The following GRIK1 variants were observed in gnomAD, a reference collection of about 807,000 sequenced individuals.
The protein encoded by GRIK1 is glutamate ionotropic receptor kainate type subunit 1.
A neutral mutation model predicts 105.7 loss-of-function variants in GRIK1; 69 were observed. The ratio of observed to expected loss-of-function variants is 0.65; its 90% CI spans 0.54 to 0.80. The LOEUF (loss-of-function observed/expected upper bound fraction) is 0.80, where lower values mean the gene tolerates loss of function less well. Among genes scored for constraint, GRIK1 ranks in the 30% least tolerant of loss-of-function variants. The pLI is 0.00. For synonymous variants in GRIK1, 438 were observed against 431.3 expected (o/e 1.02, Z -0.19); for missense variants, 1,109 against 1,167.3 (o/e 0.95, Z 0.73).
At chr21:29,676,603 A>G (rs758632923) in intron 3 of GRIK1, among the ~76,000 whole-genome samples, 2 of 152,202 alleles carry the variant, frequency 1.3e-5, no homozygotes, top group African/African-American at 4.8e-5. Flanking sequence ...GCCCTGATGG[A>G]GTGACCCAAC....
rs79371042 is a variant in GRIK1 at position 29,778,230 on chromosome 21, A to G, written c.119-84167T>C. Among the ~76,000 whole-genome samples, 355 of 152,296 alleles carry G rather than the reference A, an allele frequency of 2.3e-3. 7 individuals carry two copies. In the East Asian group the frequency reaches 0.046, roughly 20 times the overall value. ...CTTTGTGTTATGTATTTTGTGTTATATGCTCTTAATGTCTGTAAGATGAGA... is the reference window on the plus strand; with the variant it reads ...CTTTGTGTTATGTATTTTGTGTTATGTGCTCTTAATGTCTGTAAGATGAGA... On this transcript the variant is annotated intron_variant, in intron 1 of 17. Transcript: ENST00000327783.
intron 14 of GRIK1, among the ~76,000 whole-genome samples, 187 bp downstream of exon 14, chr21:29,576,777 G>A (rs1386060000): frequency 1.3e-5 from 2 of 151,906 alleles, no homozygotes; most frequent in African/African-American, 4.8e-5. Flanking sequence ...CAAAGAAACT[G>A]CTTTATGCTG....
rs78495312 is a variant in GRIK1 at position 29,838,277 on chromosome 21, T to C, written c.118+101106A>G. 5.3e-3 allele frequency among the ~76,000 whole-genome samples: 804 copies of C among 152,188 alleles called. 5 individuals are homozygous for C. Among genetic ancestry groups the C allele is most frequent in the African/African-American group, 0.017 (710 of 41,526 alleles). ...CCAACTGGGGGCTGCAGAAACTGAATTGGACAACCAAGAAGATAGTTTTGT... is the reference window on the plus strand; with the variant it reads ...CCAACTGGGGGCTGCAGAAACTGAACTGGACAACCAAGAAGATAGTTTTGT... On this transcript the variant is annotated intron_variant, in intron 1 of 17. Coordinates refer to ENST00000327783, the MANE Select transcript of GRIK1 (RefSeq NM_001330994.2).
At chr21:29,596,647 G>T (rs1308399082) in intron 8 of GRIK1, 77 bp from the exon 9 acceptor site, 19 of 982,412 alleles carry the variant, frequency 1.9e-5, no homozygotes, top group Non-Finnish European at 3.0e-5. Context: ...AGGAATCATG[G>T]TGTGTGAGTG....
At chr21:29,876,855 T>C (rs1444642680) in intron 1 of GRIK1, among the ~76,000 whole-genome samples, 1 of 152,196 alleles carries the variant, frequency 6.6e-6, no homozygotes, top group Non-Finnish European at 1.5e-5. Flanking sequence ...GTTCATCAGC[T>C]ATGCTTCCTA....
rs533167637 is a variant in GRIK1, at chr21:29,828,051, A to C, written c.118+111332T>G. 1.5e-4 allele frequency among the ~76,000 whole-genome samples: 23 copies of C among 151,282 alleles called. 1 individual carries two copies. In the East Asian group the frequency reaches 4.3e-3, roughly 28 times the overall value. On this transcript the variant is annotated intron_variant, in intron 1 of 17. Coordinates refer to ENST00000327783, the MANE Select transcript of GRIK1 (RefSeq NM_001330994.2). ...TGTGTGTGTGGGTGTGTGTCTAATG[A>C]AACACAGGGTGTCTCTATTAAGGTA...
chr21:29,800,493 T>C (rs969646337), intron 1 of GRIK1, among the ~76,000 whole-genome samples: 1 of 152,222 alleles, frequency 6.6e-6, no homozygotes, highest in African/African-American at 2.4e-5. Context: ...AGCGAGAGTA[T>C]GTACCCAGGT....
At chr21:29,678,658 T>G (rs770493124) in intron 3 of GRIK1, among the ~76,000 whole-genome samples, 8 of 152,142 alleles carry the variant, frequency 5.3e-5, no homozygotes, top group Non-Finnish European at 8.8e-5. Context: ...AAAAAGAAAC[T>G]GTAATTTATC....
At chr21:29,857,174 G>A (rs1421652604) in intron 1 of GRIK1, among the ~76,000 whole-genome samples, 3 of 151,896 alleles carry the variant, frequency 2.0e-5, no homozygotes, top group Admixed American at 6.6e-5. Flanking sequence ...TCAAAGTAAC[G>A]TGGAAGCAGA....
intron 1 of GRIK1, among the ~76,000 whole-genome samples, chr21:29,933,147 T>C (rs1341569301): frequency 2.0e-5 from 3 of 152,152 alleles, no homozygotes; most frequent in Non-Finnish European, 4.4e-5. Context: ...AATTTGTATT[T>C]TTATGTTAAG....
At chr21:29,777,444 A>G (rs1248404119) in intron 1 of GRIK1, among the ~76,000 whole-genome samples, 2 of 152,208 alleles carry the variant, frequency 1.3e-5, no homozygotes, top group East Asian at 1.9e-4. Flanking sequence ...AAGGATGTGA[A>G]AATTTTCCCA....
At chr21:29,579,987 GTA>G (rs199681446) in intron 13 of GRIK1, among the ~76,000 whole-genome samples, 3 of 116,152 alleles carry the variant, frequency 2.6e-5, no homozygotes, top group Non-Finnish European at 5.2e-5. Context: ...ATATATGTGT[GTA>G]TATATATGTA....
intron 14 of GRIK1, among the ~76,000 whole-genome samples, chr21:29,572,011 T>C (rs1029512151): frequency 1.3e-5 from 2 of 152,126 alleles, no homozygotes; most frequent in African/African-American, 2.4e-5. Context: ...GAGGTTATTG[T>C]CTTTAACTGA....
intron 16 of GRIK1, among the ~76,000 whole-genome samples, chr21:29,544,477 T>C (rs565126422): frequency 2.6e-5 from 4 of 152,340 alleles, no homozygotes; most frequent in African/African-American, 9.6e-5. Flanking sequence ...TTGATATTAC[T>C]CTGTGTGCTT....
chr21:29,740,889 T>G (rs2064910338), intron 1 of GRIK1, among the ~76,000 whole-genome samples: 1 of 152,190 alleles, frequency 6.6e-6, no homozygotes, highest in Non-Finnish European at 1.5e-5. Context: ...GAAGGGCAAT[T>G]CACCAAGTAG....
chr21:29,589,105 G>A, intron 10 of GRIK1, 63 bp from the exon 11 acceptor site: 1 of 872,244 alleles, frequency 1.1e-6, no homozygotes, highest in Non-Finnish European at 1.9e-6. Flanking sequence ...TACCCTATCA[G>A]CAGCTTGAAG....
intron 1 of GRIK1, among the ~76,000 whole-genome samples, chr21:29,928,326 C>T (rs746521165): frequency 1.2e-4 from 18 of 152,130 alleles, no homozygotes; most frequent in Non-Finnish European, 2.1e-4. Flanking sequence ...ACAGCTTGAA[C>T]CTGAGGGCTG....
chr21:29,686,496 A>G (rs2063488867), intron 3 of GRIK1, among the ~76,000 whole-genome samples: 1 of 152,242 alleles, frequency 6.6e-6, no homozygotes, highest in African/African-American at 2.4e-5. Context: ...TGTGTACAAA[A>G]TTACAATCTT....
At chr21:29,653,734 A>G (rs140714975) in intron 5 of GRIK1, among the ~76,000 whole-genome samples, 5 of 152,348 alleles carry the variant, frequency 3.3e-5, no homozygotes, top group Non-Finnish European at 5.9e-5. Context: ...GCAAATGGGA[A>G]GACTATGCAA....
Sources: gnomAD v4.1 joint callset for allele counts (sites outside exome capture counted in the v4.1 genomes callset) on GRCh38, gnomAD v4.1.1 for gene constraint, MANE v1.5 for transcripts, NCBI Gene and HGNC (gene_info 2026-07-23, HGNC 2026-07-21) for gene names.